Variants in MYBPC3 observed in about 807,000 individuals in gnomAD.
The protein encoded by MYBPC3 is myosin binding protein C3, also known as myosin-binding protein C, cardiac-type.
A neutral mutation model predicts 159.3 loss-of-function variants in MYBPC3; 108 were observed. The observed-to-expected ratio is 0.68, with a 90% CI of 0.58 to 0.80. The LOEUF is 0.80. Ranked by LOEUF, MYBPC3 falls within the 30% of genes least tolerant of loss-of-function variation. The pLI, the probability that MYBPC3 is intolerant of heterozygous loss-of-function variation, is 0.00. For missense variants in MYBPC3, 1,631 were observed against 1,762.1 expected, an observed-to-expected ratio of 0.93 and a Z score of 1.33; for synonymous variants, 730 against 702.0, an observed-to-expected ratio of 1.04 and a Z score of -0.63.
At position 47,336,006 on chromosome 11, in the gene MYBPC3, G is replaced by T; in HGVS notation, c.2608C>A (p.Pro870Thr). ...ASQPFMPIGPPSEPTHLAVED... is the reference protein window; with the variant it reads ...ASQPFMPIGPTSEPTHLAVED... ...ACTGCCAGGTGGGTGGGTTCGCTGGGGGGACCTGGGCAGAGGAGAGGTCAG... is the reference window on the plus strand; with the variant it reads ...ACTGCCAGGTGGGTGGGTTCGCTGGTGGGACCTGGGCAGAGGAGAGGTCAG... Residue 870 changes from proline (P) to threonine (T), a missense_variant, in exon 26 of 35, where the codon CCC (proline) becomes ACC (threonine). Pro to Thr is a conservative substitution (Grantham distance 38, BLOSUM62 -1). Transcript: ENST00000545968. 6.6e-7 allele frequency: 1 copy of T among 1,523,394 alleles called. No individual in the cohort carries two copies. The allele number at this position is 1,523,394 out of a possible 1,614,324, so 94.4% of individuals were successfully genotyped here. A position where few individuals can be genotyped will look rare whatever the true frequency, so the allele number is the denominator to read the frequency against.
At position 47,350,493 on chromosome 11, in the gene MYBPC3, C is replaced by T; in HGVS notation, c.406+9G>A. 3 of 1,553,582 alleles carry T rather than the reference C, an allele frequency of 1.9e-6. No individual in the cohort carries two copies. Among genetic ancestry groups the T allele is most frequent in the Non-Finnish European group, 2.6e-6 (3 of 1,151,352 alleles). On this transcript the variant is annotated intron_variant, in intron 3 of 34. Transcript: ENST00000545968. ...CGGATCCTGCCCCTCCCTGCCCAGCCCCTCTCACCTTTGGGACTTGGGGCA... is the reference window on the plus strand; with the variant it reads ...CGGATCCTGCCCCTCCCTGCCCAGCTCCTCTCACCTTTGGGACTTGGGGCA...
Position 47,346,083 on chromosome 11 carries a change from GT to G in MYBPC3, c.1090+123del. 1 of 1,343,160 alleles carries G rather than the reference GT, an allele frequency of 7.4e-7. No homozygotes were observed. The highest frequency in any genetic ancestry group is 1.5e-5 in the South Asian group (1 of 66,186). 83.2% of individuals were successfully genotyped at this position (1,343,160 alleles called of 1,614,324 possible). A position where few individuals can be genotyped will look rare whatever the true frequency, so the allele number is the denominator to read the frequency against. On this transcript the variant is annotated intron_variant, in intron 12 of 34. Coordinates refer to ENST00000545968, the MANE Select transcript of MYBPC3 (RefSeq NM_000256.3). The surrounding 1 kb of genome is among the most constrained non-coding windows in gnomAD (Gnocchi z 5.3). Reference sequence around the variant, plus strand: ...CGCTCTTTCCATGTATGTGGACGAGGTGGGGGGCTAACCTGTGCCCTCTCCT... The same window carrying G: ...CGCTCTTTCCATGTATGTGGACGAGGGGGGGGCTAACCTGTGCCCTCTCCT...
Position 47,338,427 on chromosome 11 carries a change from T to C in MYBPC3, c.2308+93A>G. The C allele has an allele frequency of 1.9e-6, 3 of 1,561,830 alleles. No individual in the cohort carries two copies. Among genetic ancestry groups the C allele is most frequent in the Middle Eastern group, 1.7e-4 (1 of 5,910 alleles). ...CCGCTCGGCTCAGGGAGCATGCCCG[T>C]GATGTTTGTCGAGTGGCTGAATGAG... On this transcript the variant is annotated intron_variant, in intron 23 of 34. Coordinates refer to ENST00000545968, the MANE Select transcript of MYBPC3 (RefSeq NM_000256.3). This position sits in a 1 kb window ranked among gnomAD's most constrained non-coding sequence, Gnocchi z 4.7.
chr11:47,332,184 T>C lies in MYBPC3; in HGVS notation c.3702A>G (p.Gly1234=). 1 of 1,613,814 alleles carries C rather than the reference T, an allele frequency of 6.2e-7. No homozygotes were observed. Among genetic ancestry groups the C allele is most frequent in the African/African-American group, 1.3e-5 (1 of 75,052 alleles). The part of the protein sequence containing the change: ...DARFRMFSKQ[G]VLTLEIRKPC... Reference sequence around the variant, plus strand: ...GCTTTCTAATCTCCAGAGTCAACACTCCCTGCTTGCTGAACATGCGGAAGC... The same window carrying C: ...GCTTTCTAATCTCCAGAGTCAACACCCCCTGCTTGCTGAACATGCGGAAGC... Residue 1234 remains glycine, a synonymous_variant, in exon 33 of 35, where the codon GGA becomes GGG. Transcript: ENST00000545968. The surrounding 1 kb of genome is among the most constrained non-coding windows in gnomAD (Gnocchi z 4.2).
Position 47,346,659 on chromosome 11 carries a change from G to A in MYBPC3, c.909-15C>T. 1 of 1,599,584 alleles carries A rather than the reference G, an allele frequency of 6.3e-7. No individual in the cohort carries two copies. The highest frequency in any genetic ancestry group is 8.5e-7 in the Non-Finnish European group (1 of 1,171,904). On this transcript the variant is annotated splice_polypyrimidine_tract_variant and intron_variant, in intron 10 of 34. Coordinates refer to ENST00000545968, the MANE Select transcript of MYBPC3 (RefSeq NM_000256.3). This position sits in a 1 kb window ranked among gnomAD's most constrained non-coding sequence, Gnocchi z 5.3. The stretch of plus-strand genomic sequence containing the variant: ...TCCGGAAACTGCTGCTCCAGGGGTG[G>A]GGGTGGGAGAAAGGGTAGGTGGCAC...
chr11:47,347,297 C>T (rs751654175), intron 9 of MYBPC3, 129 bp downstream of exon 9: 68 of 1,527,434 alleles, frequency 4.5e-5, no homozygotes, highest in Non-Finnish European at 5.8e-5. Context: ...ATCATCCCCT[C>T]GACAGACAAG....
At chr11:47,339,111 G>T (rs187479927) in intron 22 of MYBPC3, among the ~76,000 whole-genome samples, 1 of 152,310 alleles carries the variant, frequency 6.6e-6, no homozygotes, top group East Asian at 1.9e-4. Flanking sequence ...TCCTGGCAAT[G>T]AGAGGGTGTC....
In MYBPC3 at chr11:47,349,794, T is replaced by C. The variant is rs762226459; in HGVS notation, c.634A>G (p.Ser212Gly). The C allele has an allele frequency of 6.2e-7, 1 of 1,608,224 alleles. No individual in the cohort carries two copies. The highest frequency in any genetic ancestry group is 1.7e-5 in the Admixed American group (1 of 59,930). Reference protein sequence around the residue: ...KVGQHLQLHDSYDRASKVYLF... With the variant: ...KVGQHLQLHDGYDRASKVYLF... ...CCCACCTTGCTGGCGCGGTCGTAGC[T>C]GTCGTGCAGCTGCAGGTGCTGGCCC... is the stretch of plus-strand genomic sequence containing the variant. The change falls in exon 5 of 35, where the codon AGC (serine) becomes GGC (glycine). Residue 212 changes from serine (S) to glycine (G), a missense_variant. Coordinates refer to ENST00000545968, the MANE Select transcript of MYBPC3 (RefSeq NM_000256.3).
intron 17 of MYBPC3, 84 bp from the exon 18 acceptor site, chr11:47,342,240 G>A: frequency 2.0e-6 from 3 of 1,498,248 alleles, no homozygotes; most frequent in Non-Finnish European, 2.7e-6. Context: ...GGGCCCATGG[G>A]CGCTGGTGCG....
intron 6 of MYBPC3, among the ~76,000 whole-genome samples, chr11:47,348,147 A>T (rs2095896319): frequency 6.6e-6 from 1 of 152,112 alleles, no homozygotes; most frequent in South Asian, 2.1e-4. Flanking sequence ...CCATCGCCCA[A>T]ACATTCAGAC....
chr11:47,337,492 C>T lies in MYBPC3; in HGVS notation c.2501G>A (p.Arg834Gln), dbSNP rs540988604. 16 of 1,614,012 alleles carry T rather than the reference C, an allele frequency of 9.9e-6. No individual in the cohort carries two copies. Among genetic ancestry groups the T allele is most frequent in the South Asian group, 3.3e-5 (3 of 91,088 alleles). Residue 834 changes from arginine to glutamine, a missense_variant, in exon 25 of 35, where the codon CGG (arginine) becomes CAG (glutamine). Arg to Gln is a conservative substitution (Grantham distance 43). Transcript: ENST00000545968. Reference protein sequence around the residue: ...DLIQELSHEARRMIEGVVYEM... With the variant: ...DLIQELSHEAQRMIEGVVYEM... Reference sequence around the variant, plus strand: ...GTACACCACGCCCTCGATCATGCGCCGCGCTTCATGACTCAGCTCCTGAAT... The same window carrying T: ...GTACACCACGCCCTCGATCATGCGCTGCGCTTCATGACTCAGCTCCTGAAT...
intron 2 of MYBPC3, among the ~76,000 whole-genome samples, chr11:47,350,851 T>C (rs534442954): frequency 1.1e-4 from 17 of 152,298 alleles, no homozygotes; most frequent in African/African-American, 3.8e-4. Context: ...GCATCTGCCC[T>C]GAACAGCTCC....
chr11:47,342,749 C>A lies in MYBPC3; in HGVS notation c.1458-5G>T. The A allele has an allele frequency of 6.2e-7, 1 of 1,613,702 alleles. No individual in the cohort carries two copies. The highest frequency in any genetic ancestry group is 8.5e-7 in the Non-Finnish European group (1 of 1,179,682). ...AGCTCCACCCCGTCCTTCAGCCTAGCCGGGTGGGTGGGTGGCAAGTGCTGT... is the reference window on the plus strand; with the variant it reads ...AGCTCCACCCCGTCCTTCAGCCTAGACGGGTGGGTGGGTGGCAAGTGCTGT... On this transcript the variant is annotated splice_polypyrimidine_tract_variant and splice_region_variant and intron_variant, in intron 16 of 34. Coordinates refer to ENST00000545968, the MANE Select transcript of MYBPC3 (RefSeq NM_000256.3).
chr11:47,341,281 C>G, intron 18 of MYBPC3, 37 bp from the exon 19 acceptor site: 1 of 1,505,802 alleles, frequency 6.6e-7, no homozygotes, highest in East Asian at 2.5e-5. Flanking sequence ...CCCCACTGGG[C>G]CACACACCCC....
chr11:47,347,559 G>A, intron 8 of MYBPC3, 80 bp from the exon 9 acceptor site: 4 of 1,559,482 alleles, frequency 2.6e-6, no homozygotes, highest in African/African-American at 1.4e-5. Flanking sequence ...GAGTGGGGAG[G>A]GAGAAAGGGA....
intron 15 of MYBPC3, 33 bp downstream of exon 15, chr11:47,342,988 C>A: frequency 6.2e-7 from 1 of 1,612,732 alleles, no homozygotes. Flanking sequence ...CATCTCCTCC[C>A]CAGGTTCCCA....
rs11570050 is a variant in MYBPC3 at position 47,349,933 on chromosome 11, AG to A, written c.506-12del. ...AGGTGATGCTGCCACCTGCAAAGGC[AG>A]GGGCGACAGGCCCGGCTTGGGGAGT... On this transcript the variant is annotated splice_polypyrimidine_tract_variant and intron_variant, in intron 4 of 34. Transcript: ENST00000545968. 1,094,892 of 1,586,762 alleles carry A rather than the reference AG, an allele frequency of 0.69. 383,281 individuals carry two copies. The highest frequency in any genetic ancestry group is 0.73 in the Middle Eastern group (4,329 of 5,952).
Position 47,332,824 on chromosome 11 carries a change from G to C in MYBPC3, c.3480C>G (p.Ile1160Met). Residue 1160 changes from isoleucine (I) to methionine (M), a missense_variant, in exon 31 of 35, where the codon ATC becomes ATG. Transcript: ENST00000545968. The surrounding 1 kb of genome is among the most constrained non-coding windows in gnomAD (Gnocchi z 4.2). ...ATGAGGGTACAGCACCTGGTCTGGG[G>C]ATAAAGACGGGCTCCTTGGTGGTGG... Reference protein sequence around the residue: ...RAATTKEPVFIPRPGITYEPP... With the variant: ...RAATTKEPVFMPRPGITYEPP... The C allele has an allele frequency of 6.2e-7, 1 of 1,606,214 alleles. No homozygotes were observed. Among genetic ancestry groups the C allele is most frequent in the Non-Finnish European group, 8.5e-7 (1 of 1,176,336 alleles).
intron 23 of MYBPC3, 73 bp from the exon 24 acceptor site, chr11:47,337,867 C>T: frequency 7.7e-7 from 1 of 1,300,880 alleles, no homozygotes; most frequent in Non-Finnish European, 1.1e-6. Context: ...TCGTCCCCTT[C>T]CCACTCCAAC....
Sources: allele counts gnomAD v4.1 joint callset (sites outside exome capture counted in the v4.1 genomes callset), GRCh38; gene constraint gnomAD v4.1.1; non-coding constraint Gnocchi (gnomAD v3.1); transcripts MANE v1.5; gene names NCBI Gene and HGNC (gene_info 2026-07-23, HGNC 2026-07-21).